Variants in CCDC88C observed in about 807,000 individuals in gnomAD.
CCDC88C encodes the protein protein Daple.
A neutral mutation model predicts 198.8 loss-of-function variants in CCDC88C; 131 were observed. That is an observed-to-expected ratio of 0.66 (90% CI 0.57 to 0.76). CCDC88C has a LOEUF of 0.76. CCDC88C is among the 30% of genes least tolerant of loss of function. CCDC88C has a pLI of 0.00. For synonymous variants in CCDC88C, 1,166 were observed against 1,114.7 expected (o/e 1.05, Z -0.92); for missense variants, 2,553 against 2,631.6 (o/e 0.97, Z 0.65).
intron 15 of CCDC88C, among the ~76,000 whole-genome samples, chr14:91,312,733 T>C (rs906660543): frequency 3.9e-5 from 6 of 152,098 alleles, no homozygotes; most frequent in Admixed American, 3.9e-4. Context: ...CTTACGGCCA[T>C]TGGGAAATTG....
chr14:91,289,193 G>T lies in CCDC88C; in HGVS notation c.4353C>A (p.Leu1451=). ...DPASPAASQP[L]RSQAENPDTP... Reference sequence around the variant, plus strand: ...TGTCGGGGTTCTCGGCCTGTGATCTGAGCGGCTGAGAGGCCGCCGGCGAGG... The same window carrying T: ...TGTCGGGGTTCTCGGCCTGTGATCTTAGCGGCTGAGAGGCCGCCGGCGAGG... Residue 1451 remains leucine (L), a synonymous_variant, in exon 25 of 30, where the codon CTC becomes CTA. Transcript: ENST00000389857. 1 of 1,613,936 alleles carries T rather than the reference G, an allele frequency of 6.2e-7. No homozygotes were observed. The highest frequency in any genetic ancestry group is 8.5e-7 in the Non-Finnish European group (1 of 1,179,874).
chr14:91,336,035 G>A (rs1303506652), intron 10 of CCDC88C, among the ~76,000 whole-genome samples: 1 of 152,200 alleles, frequency 6.6e-6, no homozygotes, highest in Non-Finnish European at 1.5e-5. Context: ...CTCATGCAGA[G>A]AGACACTATT....
At chr14:91,291,495 A>G (rs1056341942) in intron 23 of CCDC88C, among the ~76,000 whole-genome samples, 7 of 152,202 alleles carry the variant, frequency 4.6e-5, no homozygotes, top group African/African-American at 1.7e-4. Flanking sequence ...ACACCTGGGC[A>G]GTGAGGTTGA....
intron 22 of CCDC88C, among the ~76,000 whole-genome samples, chr14:91,296,916 G>A (rs998275525): frequency 1.3e-5 from 2 of 152,094 alleles, no homozygotes; most frequent in South Asian, 2.1e-4. Flanking sequence ...AGTGAGCTCC[G>A]TCCCAGAGGC....
chr14:91,273,473 G>T lies in CCDC88C; in HGVS notation c.5239C>A (p.Pro1747Thr). The change falls in exon 30 of 30, where the codon CCC becomes ACC. Residue 1747 changes from proline to threonine, a missense_variant. Pro to Thr is a conservative substitution (Grantham distance 38). This residue lies in a region of CCDC88C where 1,293 missense variants were observed against 1,219.6 expected (regional missense o/e 1.06). Transcript: ENST00000389857. This position sits in a 1 kb window ranked among gnomAD's most constrained non-coding sequence, Gnocchi z 5.6. ...APTSEGRPLK[P>T]GQYVKPNFRL... ...AAGTTTGGCTTTACGTACTGCCCGG[G>T]CTTCAGCGGCCTCCCCTCCGAGGTG... 6.3e-7 allele frequency: 1 copy of T among 1,576,968 alleles called. No homozygotes were observed. Among genetic ancestry groups the T allele is most frequent in the Non-Finnish European group, 8.6e-7 (1 of 1,160,382 alleles).
At chr14:91,390,941 G>A (rs1438856964) in intron 3 of CCDC88C, among the ~76,000 whole-genome samples, 1 of 152,134 alleles carries the variant, frequency 6.6e-6, no homozygotes, top group Non-Finnish European at 1.5e-5. Flanking sequence ...AGGTTCCCAG[G>A]GTCCTTGGTT....
chr14:91,290,282 A>G (rs960855170), intron 24 of CCDC88C, among the ~76,000 whole-genome samples: 1 of 152,262 alleles, frequency 6.6e-6, no homozygotes, highest in African/African-American at 2.4e-5. Context: ...AAAACAAAAC[A>G]AAACAAAACA....
intron 12 of CCDC88C, 134 bp downstream of exon 12, chr14:91,324,645 G>A: frequency 8.8e-7 from 1 of 1,131,304 alleles, no homozygotes; most frequent in Non-Finnish European, 1.3e-6. Context: ...GTTCCAAGTG[G>A]AGCTTGAAGG....
intron 3 of CCDC88C, among the ~76,000 whole-genome samples, chr14:91,376,784 C>T (rs1406648608): frequency 6.6e-6 from 1 of 152,198 alleles, no homozygotes; most frequent in Admixed American, 6.5e-5. Context: ...CAGCTGGCTG[C>T]CCACGACACC....
At chr14:91,274,247 G>A (rs1889865860) in intron 29 of CCDC88C, among the ~76,000 whole-genome samples, 1 of 152,154 alleles carries the variant, frequency 6.6e-6, no homozygotes, top group South Asian at 2.1e-4. Flanking sequence ...TGGGGTCCGC[G>A]AGGGTCCAGA....
At chr14:91,324,573 C>A (rs1393969898) in intron 12 of CCDC88C, among the ~76,000 whole-genome samples, 2 of 152,224 alleles carry the variant, frequency 1.3e-5, no homozygotes, top group African/African-American at 2.4e-5. Context: ...TTGTGTTTTG[C>A]GTCCTGACAT....
At chr14:91,414,119 A>C (rs925521295) in intron 2 of CCDC88C, among the ~76,000 whole-genome samples, 12 of 152,228 alleles carry the variant, frequency 7.9e-5, no homozygotes, top group Admixed American at 7.9e-4. Context: ...ACTGTGGGGT[A>C]ATCCAAGGAT....
At chr14:91,297,245 G>A (rs1454898717) in intron 22 of CCDC88C, 60 bp downstream of exon 22, 3 of 1,545,576 alleles carry the variant, frequency 1.9e-6, no homozygotes, top group Non-Finnish European at 2.6e-6. Flanking sequence ...GCTGAGCCCT[G>A]GGCTGTCCCC....
In CCDC88C at chr14:91,343,665, A is replaced by C. The variant is rs1298818642; in HGVS notation, c.341-8T>G. 6.2e-7 allele frequency: 1 copy of C among 1,613,352 alleles called. No individual in the cohort carries two copies. The highest frequency in any genetic ancestry group is 1.3e-5 in the African/African-American group (1 of 74,912). ...TTTCCTCCATGCTCTTCCCTAGATC[A>C]AGAGAGCAACACATTTAACTCAGCT... On this transcript the variant is annotated splice_region_variant and splice_polypyrimidine_tract_variant and intron_variant, in intron 4 of 29. Coordinates refer to ENST00000389857, the MANE Select transcript of CCDC88C (RefSeq NM_001080414.4).
intron 3 of CCDC88C, 193 bp downstream of exon 3, chr14:91,408,462 CCAAA>C (rs1398246067): frequency 1.6e-5 from 9 of 572,532 alleles, no homozygotes; most frequent in Admixed American, 2.7e-5. Flanking sequence ...AGAACATTCA[CCAAA>C]CAAAGGAAAT....
intron 3 of CCDC88C, among the ~76,000 whole-genome samples, chr14:91,387,995 A>G (rs1885246351): frequency 6.6e-6 from 1 of 152,136 alleles, no homozygotes; most frequent in African/African-American, 2.4e-5. Context: ...TGGGGTCCAG[A>G]CAATGCATTT....
At chr14:91,301,348 G>A (rs977418676) in intron 20 of CCDC88C, among the ~76,000 whole-genome samples, 7 of 152,194 alleles carry the variant, frequency 4.6e-5, no homozygotes, top group Non-Finnish European at 7.3e-5. Context: ...ATGCTGTACT[G>A]AGCAAGGACC....
rs1472175439 is a variant in CCDC88C, at chr14:91,303,854, G to A, written c.3482C>T (p.Thr1161Ile). ...ESLQRQQEQLTAAYEALLQDH... is the reference protein window; with the variant it reads ...ESLQRQQEQLIAAYEALLQDH... ...CTGCAGCAGGGCCTCGTAGGCCGCT[G>A]TAAGTTGCTCCTGCTGCCTCTGCAG... Residue 1161 changes from threonine to isoleucine, a missense_variant, in exon 20 of 30, where the codon ACA becomes ATA. Thr to Ile is a moderately conservative substitution (Grantham distance 89). This residue lies in a region of CCDC88C where 1,293 missense variants were observed against 1,219.6 expected (regional missense o/e 1.06). Transcript: ENST00000389857. 3.1e-6 allele frequency: 5 copies of A among 1,613,274 alleles called. No individual in the cohort carries two copies. In the South Asian group the frequency reaches 3.3e-5, roughly 11 times the overall value.
chr14:91,409,151 T>G (rs970539520), intron 2 of CCDC88C, among the ~76,000 whole-genome samples: 58 of 151,196 alleles, frequency 3.8e-4, no homozygotes, highest in African/African-American at 1.2e-3. Context: ...GAAAAATATG[T>G]GAAATATCAA....
Sources: gnomAD v4.1 joint callset for allele counts (sites outside exome capture counted in the v4.1 genomes callset) on GRCh38, gnomAD v4.1.1 for gene constraint, gnomAD v4.1.1 regional missense constraint, Gnocchi (gnomAD v3.1) non-coding constraint, MANE v1.5 for transcripts, NCBI Gene and HGNC (gene_info 2026-07-23, HGNC 2026-07-21) for gene names.